The following WDR53 variants were observed in gnomAD, a reference collection of about 807,000 sequenced individuals.
WDR53 encodes the protein WD repeat-containing protein 53.
WDR53 carries 19 observed loss-of-function variants against 21.3 expected under a neutral mutation model. The observed-to-expected ratio is 0.89, with a 90% CI of 0.62 to 1.31. The LOEUF (loss-of-function observed/expected upper bound fraction) is 1.31, where lower values mean the gene tolerates loss of function less well. Among genes scored for constraint, WDR53 ranks in the 50% most tolerant of loss-of-function variants. The pLI, the probability that WDR53 is intolerant of heterozygous loss-of-function variation, is 0.00. For missense variants in WDR53, 374 were observed against 423.2 expected, an observed-to-expected ratio of 0.88 and a Z score of 1.02; for synonymous variants, 157 against 163.4, an observed-to-expected ratio of 0.96 and a Z score of 0.30.
intron 1 of WDR53, 22 bp from the exon 2 acceptor site, chr3:196,567,329 A>G: frequency 4.6e-6 from 2 of 434,462 alleles, no homozygotes; most frequent in Non-Finnish European, 9.2e-6. Context: ...GAAAAGAATT[A>G]GGGTTACTGG....
At chr3:196,563,512 CAG>C (rs937227989) in intron 2 of WDR53, among the ~76,000 whole-genome samples, 7 of 151,752 alleles carry the variant, frequency 4.6e-5, no homozygotes, top group African/African-American at 1.7e-4. Context: ...CCCAGTGGTA[CAG>C]AGATAAAATC....
At chr3:196,566,145 A>AG (rs1735373008) in intron 2 of WDR53, among the ~76,000 whole-genome samples, 1 of 151,856 alleles carries the variant, frequency 6.6e-6, no homozygotes. Context: ...ACTGGAGTGT[A>AG]GTGGCCCAAT....
At chr3:196,556,124 C>A (rs1351607424) in intron 3 of WDR53, among the ~76,000 whole-genome samples, 2 of 152,064 alleles carry the variant, frequency 1.3e-5, no homozygotes, top group Non-Finnish European at 2.9e-5. Flanking sequence ...TGGCTCACTG[C>A]AGCCTTGACC....
intron 1 of WDR53, 46 bp downstream of exon 1, chr3:196,568,472 GA>G (rs1156454828): frequency 2.0e-5 from 3 of 152,810 alleles, no homozygotes; most frequent in Non-Finnish European, 4.4e-5. Flanking sequence ...AAACAGCATC[GA>G]AGTCACCGGA....
At chr3:196,558,246 T>C (rs1413257507) in intron 3 of WDR53, among the ~76,000 whole-genome samples, 2 of 150,630 alleles carry the variant, frequency 1.3e-5, no homozygotes, top group Admixed American at 1.3e-4. Flanking sequence ...CACTTTGTCA[T>C]CCAGGCTGGA....
chr3:196,565,459 C>T (rs1277617759), intron 2 of WDR53, among the ~76,000 whole-genome samples: 1 of 151,180 alleles, frequency 6.6e-6, no homozygotes, highest in Non-Finnish European at 1.5e-5. Flanking sequence ...CCTGTAATCC[C>T]AGCTACTCGG....
chr3:196,556,270 A>G (rs2108682424), intron 3 of WDR53, among the ~76,000 whole-genome samples: 1 of 152,196 alleles, frequency 6.6e-6, no homozygotes, highest in South Asian at 2.1e-4. Context: ...CTGGTCTCCA[A>G]CTGCTGGGCT....
At chr3:196,560,585 A>G (rs1577569196) in intron 3 of WDR53, among the ~76,000 whole-genome samples, 5 of 152,302 alleles carry the variant, frequency 3.3e-5, no homozygotes. Context: ...TCTGATCCTG[A>G]TCACCAATAC....
Position 196,554,787 on chromosome 3 carries a change from T to C in WDR53, c.501A>G (p.Gln167=), listed in dbSNP as rs1327330818. ...TTGTAATCCAGAGTGGTCGGGCTTT[T>C]TGAAGACTCCACAGCATCACCTTTA... ...LDMQVMLWSL[Q]KARPLWITNL... Residue 167 remains glutamine (Q), a synonymous_variant, in exon 4 of 4, where the codon CAA becomes CAG. Transcript: ENST00000332629. The C allele has an allele frequency of 6.2e-7, 1 of 1,613,964 alleles. No individual in the cohort carries two copies. The highest frequency in any genetic ancestry group is 1.7e-5 in the Admixed American group (1 of 59,994).
At chr3:196,560,359 A>G (rs1029742431) in intron 3 of WDR53, among the ~76,000 whole-genome samples, 1 of 151,452 alleles carries the variant, frequency 6.6e-6, no homozygotes, top group Non-Finnish European at 1.5e-5. Context: ...CTGCTGCCTC[A>G]GCCTCCCAAG....
chr3:196,556,054 T>C (rs1734288034), intron 3 of WDR53, among the ~76,000 whole-genome samples: 1 of 151,968 alleles, frequency 6.6e-6, no homozygotes, highest in Non-Finnish European at 1.5e-5. Flanking sequence ...TGAAAATAGT[T>C]TTTTTTTTAA....
chr3:196,563,876 C>A (rs73081022), intron 2 of WDR53, among the ~76,000 whole-genome samples: 1,970 of 152,250 alleles, frequency 0.013, 55 homozygotes, highest in African/African-American at 0.046. Flanking sequence ...CCAGCCTCCC[C>A]CTACTTTTAG....
At chr3:196,562,557 C>T (rs1165372111) in intron 2 of WDR53, among the ~76,000 whole-genome samples, 3 of 152,120 alleles carry the variant, frequency 2.0e-5, no homozygotes, top group African/African-American at 4.8e-5. Context: ...CCACCACGCC[C>T]GGCTGCAATG....
chr3:196,556,607 G>A (rs1734339739), intron 3 of WDR53, among the ~76,000 whole-genome samples: 1 of 148,874 alleles, frequency 6.7e-6, no homozygotes, highest in South Asian at 2.1e-4. Context: ...AGTGAGCCGA[G>A]ATCACACCAT....
At chr3:196,566,004 T>A (rs188770450) in intron 2 of WDR53, among the ~76,000 whole-genome samples, 1 of 152,318 alleles carries the variant, frequency 6.6e-6, no homozygotes, top group East Asian at 1.9e-4. Flanking sequence ...CATATCCTAC[T>A]GTAAATTACT....
chr3:196,560,081 T>C (rs1033020297), intron 3 of WDR53, among the ~76,000 whole-genome samples: 1 of 152,182 alleles, frequency 6.6e-6, no homozygotes, highest in Non-Finnish European at 1.5e-5. Context: ...CCAAATCTGC[T>C]TTCCCATGAC....
At chr3:196,566,243 C>A (rs772013465) in intron 2 of WDR53, among the ~76,000 whole-genome samples, 1 of 151,950 alleles carries the variant, frequency 6.6e-6, no homozygotes, top group East Asian at 1.9e-4. Context: ...GCATGCACCA[C>A]CACGCCCAGC....
chr3:196,567,341 C>A, intron 1 of WDR53, 34 bp from the exon 2 acceptor site: 1 of 412,226 alleles, frequency 2.4e-6, no homozygotes, highest in Non-Finnish European at 4.8e-6. Context: ...GGTTACTGGA[C>A]TTGGTGAAAA....
In WDR53 at chr3:196,554,343, A is replaced by C. The variant is rs1370830070; in HGVS notation, c.945T>G (p.Ile315Met). The C allele has an allele frequency of 6.2e-7, 1 of 1,614,094 alleles. No homozygotes were observed. Among genetic ancestry groups the C allele is most frequent in the Non-Finnish European group, 8.5e-7 (1 of 1,180,008 alleles). The change falls in exon 4 of 4, where the codon ATT becomes ATG. Residue 315 changes from isoleucine to methionine, a missense_variant. Transcript: ENST00000332629. Reference sequence around the variant, plus strand: ...CATGTTCAATATTTAGCTTTGGTAAAATGTTGCCATGTTCTTCCTCATCTG... The same window carrying C: ...CATGTTCAATATTTAGCTTTGGTAACATGTTGCCATGTTCTTCCTCATCTG... ...SVTDEEEHGN[I>M]LPKLNIEHGE...
Sources: gnomAD v4.1 joint callset for allele counts (sites outside exome capture counted in the v4.1 genomes callset) on GRCh38, gnomAD v4.1.1 for gene constraint, MANE v1.5 for transcripts, NCBI Gene and HGNC (gene_info 2026-07-23, HGNC 2026-07-21) for gene names.